Variants in TTLL8 observed in about 807,000 individuals in gnomAD.
TTLL8 encodes the protein tubulin tyrosine ligase like 8, also known as protein monoglycylase TTLL8.
Under a neutral mutation model 77.8 loss-of-function variants are expected in TTLL8, and 65 were observed. That is an observed-to-expected ratio of 0.84 (90% CI 0.68 to 1.03). TTLL8 has a LOEUF of 1.03. TTLL8 is among the 50% of genes least tolerant of loss of function. The probability of loss-of-function intolerance (pLI) is 0.00; values close to 1 mark genes in which losing one functional copy is unlikely to be tolerated. For missense variants in TTLL8, 910 were observed against 1,004.5 expected, an observed-to-expected ratio of 0.91 and a Z score of 1.27; for synonymous variants, 402 against 422.8, an observed-to-expected ratio of 0.95 and a Z score of 0.60.
intron 11 of TTLL8, 195 bp downstream of exon 12, chr22:50,031,491 G>T: frequency 1.0e-6 from 1 of 953,066 alleles, no homozygotes; most frequent in Non-Finnish European, 1.2e-6. Flanking sequence ...TGCCGACGAG[G>T]CACTGAGCCC....
chr22:50,038,731 G>C (rs2061351524), intron 8 of TTLL8, among the ~76,000 whole-genome samples: 2 of 152,062 alleles, frequency 1.3e-5, no homozygotes, highest in Non-Finnish European at 2.9e-5. Flanking sequence ...AAGATTGCTT[G>C]AGCCCAGGAG....
intron 8 of TTLL8, among the ~76,000 whole-genome samples, chr22:50,036,887 C>G (rs2010453): frequency 3.9e-5 from 6 of 152,036 alleles, no homozygotes; most frequent in African/African-American, 7.2e-5. Context: ...TGTGAGCCGC[C>G]GCGCCCAGCC....
At chr22:50,021,179 T>TGAC (rs1377383892) in intron 12 of TTLL8, among the ~76,000 whole-genome samples, 1 of 147,616 alleles carries the variant, frequency 6.8e-6, no homozygotes, top group African/African-American at 2.5e-5. Flanking sequence ...CTCCTCCATC[T>TGAC]GACGTGCACT....
At chr22:50,026,322 A>T (rs2146630065) in intron 12 of TTLL8, among the ~76,000 whole-genome samples, 1 of 130,554 alleles carries the variant, frequency 7.7e-6, no homozygotes, top group Non-Finnish European at 1.8e-5. Flanking sequence ...GGAGGGTCAG[A>T]CACAGAAATA....
chr22:50,054,777 G>C (rs1377728390), upstream of TTLL8, among the ~76,000 whole-genome samples: 1 of 152,240 alleles, frequency 6.6e-6, no homozygotes, highest in African/African-American at 2.4e-5. Flanking sequence ...GTATCTCCAG[G>C]CTAGGCGCAG....
intron 5 of TTLL8, 110 bp downstream of exon 7, chr22:50,045,746 G>A (rs1028034019): frequency 1.3e-5 from 16 of 1,227,504 alleles, no homozygotes; most frequent in African/African-American, 3.1e-5. Context: ...GCCTCTCCCC[G>A]GTCCTCTATC....
At chr22:50,025,280 CAAAAAAAAA>C (rs111507174) in intron 12 of TTLL8, among the ~76,000 whole-genome samples, 1 of 126,164 alleles carries the variant, frequency 7.9e-6, no homozygotes. Flanking sequence ...GCAAAAACTC[CAAAAAAAAA>C]AAAAAAGGCA....
chr22:50,041,156 G>A lies in TTLL8; in HGVS notation c.921+31C>T. 1 of 402,632 alleles carries A rather than the reference G, an allele frequency of 2.5e-6. No individual in the cohort carries two copies. The highest frequency in any genetic ancestry group is 4.9e-6 in the Non-Finnish European group (1 of 203,530). 24.9% of individuals were successfully genotyped at this position (402,632 alleles called of 1,614,324 possible). A position where few individuals can be genotyped will look rare whatever the true frequency, so the allele number is the denominator to read the frequency against. On this transcript the variant is annotated intron_variant, in intron 8 of 13. Transcript: ENST00000266182. This position sits in a 1 kb window ranked among gnomAD's most constrained non-coding sequence, Gnocchi z 4.3. ...CTCACCAACACCAAGAGTGAGGCAG[G>A]TGCCCCAGTGGAGAGACAGACAAAC...
At chr22:50,031,467 A>G in intron 11 of TTLL8, 1 of 841,398 alleles carries the variant, frequency 1.2e-6, no homozygotes, top group Non-Finnish European at 1.4e-6. Context: ...CGCCTGGAGT[A>G]GCCCCTTCCT....
intron 12 of TTLL8, among the ~76,000 whole-genome samples, chr22:50,021,928 C>G (rs1368379481): frequency 1.4e-5 from 1 of 70,872 alleles, no homozygotes; most frequent in Non-Finnish European, 2.9e-5. Context: ...TACTCCTCCA[C>G]CTGACATGCA....
chr22:50,043,538 G>A (rs1050448641), intron 6 of TTLL8, among the ~76,000 whole-genome samples: 32 of 142,740 alleles, frequency 2.2e-4, no homozygotes, highest in East Asian at 8.4e-4. Context: ...GACACCCTTC[G>A]TTAGATGGAT....
At chr22:50,019,113 G>T (rs1265351157) in intron 12 of TTLL8, among the ~76,000 whole-genome samples, 1 of 152,122 alleles carries the variant, frequency 6.6e-6, no homozygotes, top group African/African-American at 2.4e-5. Flanking sequence ...TTGCCAGGTG[G>T]GTATAAGTGT....
chr22:50,036,914 C>T (rs1007522000), intron 8 of TTLL8, among the ~76,000 whole-genome samples: 6 of 151,922 alleles, frequency 3.9e-5, no homozygotes, highest in African/African-American at 7.3e-5. Context: ...TGGCTTCCTT[C>T]GACCTGACTG....
rs2061314354 is a variant in TTLL8 at position 50,033,541 on chromosome 22, G to A, written c.1040-96C>T. On this transcript the variant is annotated intron_variant, in intron 9 of 13. Coordinates refer to ENST00000266182, the Ensembl canonical transcript of TTLL8. ...GGGCAGGGTCGCAGCTTGGCCCTGA[G>A]ACCTGCACTGGCTTTGTCCAAGGCC... 5 of 1,124,600 alleles carry A rather than the reference G, an allele frequency of 4.4e-6. No homozygotes were observed. In the South Asian group the frequency reaches 6.9e-5, roughly 15 times the overall value. The allele number at this position is 1,124,600 out of a possible 1,614,324, so 69.7% of individuals were successfully genotyped here.
In TTLL8 at chr22:50,050,014, G is replaced by A. The variant is rs912846938; in HGVS notation, c.190+95C>T. 3.2e-5 allele frequency: 41 copies of A among 1,274,280 alleles called. No individual in the cohort carries two copies. The South Asian group carries it at 3.4e-4, about 11-fold the overall frequency. The allele number at this position is 1,274,280 out of a possible 1,614,324, so 78.9% of individuals were successfully genotyped here. Reference sequence around the variant, plus strand: ...ATACCCCATCACGCACACCAGGGCCGAGGGGCAGGCACCACACTCAGGCCG... The same window carrying A: ...ATACCCCATCACGCACACCAGGGCCAAGGGGCAGGCACCACACTCAGGCCG... On this transcript the variant is annotated intron_variant, in intron 2 of 13. Coordinates refer to ENST00000266182, the Ensembl canonical transcript of TTLL8.
At chr22:50,031,922 T>C (rs764354988) in exon 11 of TTLL8, 1 of 1,366,918 alleles carries the variant, frequency 7.3e-7, no homozygotes, top group African/African-American at 1.5e-5. Context: ...GCCACCTTCA[T>C]GGCGTGGGCG....
intron 12 of TTLL8, among the ~76,000 whole-genome samples, chr22:50,020,896 C>T (rs948252376): frequency 6.6e-6 from 1 of 150,778 alleles, no homozygotes; most frequent in Non-Finnish European, 1.5e-5. Flanking sequence ...TGCACTCCTC[C>T]ATCTGACGTG....
At chr22:50,022,884 T>G (rs1440353432) in intron 12 of TTLL8, among the ~76,000 whole-genome samples, 5 of 152,194 alleles carry the variant, frequency 3.3e-5, no homozygotes, top group Admixed American at 2.0e-4. Context: ...ACCAACAAGT[T>G]GGGACACAGT....
exon 6 of TTLL8, chr22:50,045,255 C>G (rs1287259945): frequency 7.4e-7 from 1 of 1,354,168 alleles, no homozygotes; most frequent in South Asian, 1.1e-5. Context: ...CCCAGCGCAC[C>G]TTGCCTGCTG....
Sources: allele counts gnomAD v4.1 joint callset (sites outside exome capture counted in the v4.1 genomes callset), GRCh38; gene constraint gnomAD v4.1.1; non-coding constraint Gnocchi (gnomAD v3.1); transcripts MANE v1.5; gene names NCBI Gene and HGNC (gene_info 2026-07-23, HGNC 2026-07-21).